The following SND1 variants were observed in gnomAD, a reference collection of about 807,000 sequenced individuals.
The protein encoded by SND1 is staphylococcal nuclease and tudor domain containing 1.
Under a neutral mutation model 121.7 loss-of-function variants are expected in SND1, and 38 were observed. The observed-to-expected ratio is 0.31, with a 90% confidence interval of 0.24 to 0.41. The LOEUF (loss-of-function observed/expected upper bound fraction) is 0.41, where lower values mean the gene tolerates loss of function less well. SND1 is among the 10% of genes least tolerant of loss of function. The pLI is 1.00. For missense variants in SND1, 868 were observed against 1,184.6 expected, an observed-to-expected ratio of 0.73 and a Z score of 3.92; for synonymous variants, 401 against 447.4, an observed-to-expected ratio of 0.90 and a Z score of 1.31.
At chr7:127,913,498 C>G (rs1171342978) in intron 14 of SND1, among the ~76,000 whole-genome samples, 1 of 152,200 alleles carries the variant, frequency 6.6e-6, no homozygotes, top group Non-Finnish European at 1.5e-5. Context: ...GAGAGTTCCT[C>G]TGGCCATAGA....
intron 13 of SND1, among the ~76,000 whole-genome samples, chr7:127,894,739 G>C (rs187520582): frequency 1.3e-5 from 2 of 151,654 alleles, no homozygotes; most frequent in Non-Finnish European, 1.5e-5. Context: ...TCTTTCCTCT[G>C]TCAGAAACAG....
intron 10 of SND1, among the ~76,000 whole-genome samples, chr7:127,756,972 G>A (rs1319085680): frequency 6.6e-6 from 1 of 152,062 alleles, no homozygotes; most frequent in East Asian, 1.9e-4. Context: ...ATACTGTGCA[G>A]TAATCTTAAA....
chr7:127,961,735 A>G (rs1271297403), intron 15 of SND1, among the ~76,000 whole-genome samples: 1 of 152,168 alleles, frequency 6.6e-6, no homozygotes, highest in Non-Finnish European at 1.5e-5. Context: ...CTTTTCTACC[A>G]TTTCCTATGT....
chr7:127,746,624 C>T lies in SND1; in HGVS notation c.1152+25224C>T, dbSNP rs566475443. ...TGTCCCTCTTTTCCAATTTTCTGTG[C>T]CTTATTTCATTGGGAGATATTTTGA... On this transcript the variant is annotated intron_variant, in intron 10 of 23. Coordinates refer to ENST00000354725, the MANE Select transcript of SND1 (RefSeq NM_014390.4). 5.3e-5 allele frequency among the ~76,000 whole-genome samples: 8 copies of T among 152,264 alleles called. No individual in the cohort carries two copies. In the East Asian group the frequency reaches 1.2e-3, roughly 22 times the overall value.
chr7:127,971,501 C>G (rs1177469420), intron 15 of SND1, among the ~76,000 whole-genome samples: 2 of 152,138 alleles, frequency 1.3e-5, no homozygotes, highest in Non-Finnish European at 2.9e-5. Context: ...GACGCTGAGT[C>G]TTAGACATTC....
intron 10 of SND1, among the ~76,000 whole-genome samples, chr7:127,770,990 G>A (rs902472489): frequency 4.6e-5 from 7 of 152,208 alleles, no homozygotes; most frequent in Non-Finnish European, 7.4e-5. Flanking sequence ...CTGATATCTC[G>A]TTGGCTAAAG....
At chr7:127,686,892 T>G in intron 2 of SND1, 130 bp downstream of exon 2, 1 of 1,041,378 alleles carries the variant, frequency 9.6e-7, no homozygotes, top group South Asian at 1.7e-5. Context: ...AACTGCTGAT[T>G]CTGGATGTGC....
At chr7:128,086,363 C>T (rs1584781687) in intron 20 of SND1, 1 of 176,388 alleles carries the variant, frequency 5.7e-6, no homozygotes, top group Admixed American at 5.4e-5. Flanking sequence ...TGCTTGTCTG[C>T]GTACCTCCCA....
intron 1 of SND1, among the ~76,000 whole-genome samples, chr7:127,660,910 C>T (rs1018420687): frequency 6.6e-6 from 1 of 152,046 alleles, no homozygotes; most frequent in Non-Finnish European, 1.5e-5. Context: ...ATTAGAAGCT[C>T]TGGGACTGGC....
chr7:128,002,154 T>C lies in SND1; in HGVS notation c.1779+11098T>C, dbSNP rs914433265. On this transcript the variant is annotated intron_variant, in intron 16 of 23. Transcript: ENST00000354725. ...GCACATATGCATATGCTACCCCTAT[T>C]CGGGTTGTCCACCCATGGCAGACAT... Among the ~76,000 whole-genome samples the C allele has an allele frequency of 2.0e-5, 3 of 152,178 alleles. No individual in the cohort carries two copies. The East Asian group carries it at 5.8e-4, about 29-fold the overall frequency.
At chr7:127,847,097 G>A (rs1054051066) in intron 12 of SND1, among the ~76,000 whole-genome samples, 2 of 151,900 alleles carry the variant, frequency 1.3e-5, no homozygotes, top group Non-Finnish European at 2.9e-5. Context: ...GTGAAACCTC[G>A]TCTCTACTAA....
At chr7:127,972,425 A>C (rs1369497133) in intron 15 of SND1, among the ~76,000 whole-genome samples, 1 of 151,498 alleles carries the variant, frequency 6.6e-6, no homozygotes, top group Admixed American at 6.6e-5. Context: ...CACCATGCTA[A>C]TTTTTATATT....
Position 127,763,038 on chromosome 7 carries a change from C to T in SND1, c.1152+41638C>T, listed in dbSNP as rs538730156. ...AGATGTTTACTGTAACCTGGCCTCTCAGAAAAGGTAGAAACAGTCTAAATA... is the reference window on the plus strand; with the variant it reads ...AGATGTTTACTGTAACCTGGCCTCTTAGAAAAGGTAGAAACAGTCTAAATA... On this transcript the variant is annotated intron_variant, in intron 10 of 23. Coordinates refer to ENST00000354725, the MANE Select transcript of SND1 (RefSeq NM_014390.4). Among the ~76,000 whole-genome samples the T allele has an allele frequency of 1.8e-3, 272 of 152,182 alleles. 2 individuals carry two copies. The highest frequency in any genetic ancestry group is 6.8e-3 in the Middle Eastern group (2 of 294).
intron 15 of SND1, among the ~76,000 whole-genome samples, chr7:127,935,992 A>G (rs539954491): frequency 3.4e-4 from 51 of 152,218 alleles, no homozygotes; most frequent in African/African-American, 1.2e-3. Flanking sequence ...AGGGAGTGGC[A>G]TTTGGCCCAA....
At chr7:127,855,833 C>T (rs1237758332) in intron 12 of SND1, among the ~76,000 whole-genome samples, 1 of 152,226 alleles carries the variant, frequency 6.6e-6, no homozygotes, top group African/African-American at 2.4e-5. Flanking sequence ...CTGTGGCCAA[C>T]TCATCCACTA....
chr7:127,757,418 CGTTT>C (rs909991293), intron 10 of SND1, among the ~76,000 whole-genome samples: 17 of 152,210 alleles, frequency 1.1e-4, no homozygotes, highest in African/African-American at 3.9e-4. Flanking sequence ...TGCGCACATT[CGTTT>C]GTTTGTGTAT....
At chr7:127,825,910 G>A (rs1411970574) in intron 11 of SND1, among the ~76,000 whole-genome samples, 1 of 152,110 alleles carries the variant, frequency 6.6e-6, no homozygotes, top group Non-Finnish European at 1.5e-5. Context: ...GGACAATGGA[G>A]GCCGGGCGTG....
chr7:127,944,996 TC>T (rs1439523168), intron 15 of SND1, among the ~76,000 whole-genome samples: 2 of 152,100 alleles, frequency 1.3e-5, no homozygotes, highest in Non-Finnish European at 1.5e-5. Flanking sequence ...CCTGACTACA[TC>T]CCCCTCTATC....
chr7:127,960,144 GC>G (rs1801696881), intron 15 of SND1, among the ~76,000 whole-genome samples: 2 of 152,182 alleles, frequency 1.3e-5, no homozygotes, highest in African/African-American at 4.8e-5. Context: ...GCTTTCCCAG[GC>G]TCACATTACA....
Sources: allele counts gnomAD v4.1 joint callset (sites outside exome capture counted in the v4.1 genomes callset), GRCh38; gene constraint gnomAD v4.1.1; transcripts MANE v1.5; gene names NCBI Gene and HGNC (gene_info 2026-07-23, HGNC 2026-07-21).